CCSER1: variants seen among roughly 807,000 people sequenced by gnomAD.
The protein encoded by CCSER1 is serine-rich coiled-coil domain-containing protein 1.
A neutral mutation model predicts 82.0 loss-of-function variants in CCSER1; 41 were observed. That is an observed-to-expected ratio of 0.50 (90% confidence interval 0.39 to 0.65). The LOEUF is 0.65. Ranked by LOEUF, CCSER1 falls within the 30% of genes least tolerant of loss-of-function variation. The pLI is 0.00. For missense variants in CCSER1, 1,119 were observed against 1,064.2 expected (o/e 1.05, Z -0.72); for synonymous variants, 414 against 383.9 (o/e 1.08, Z -0.92).
At chr4:90,585,364 T>C (rs566597852) in intron 5 of CCSER1, among the ~76,000 whole-genome samples, 111 of 152,320 alleles carry the variant, frequency 7.3e-4, no homozygotes, top group African/African-American at 2.5e-3. Context: ...AAAACTCCCA[T>C]GATTCATTCC....
chr4:91,416,191 G>A (rs1023147368), intron 10 of CCSER1, among the ~76,000 whole-genome samples: 6 of 152,168 alleles, frequency 3.9e-5, no homozygotes, highest in Admixed American at 6.5e-5. Flanking sequence ...ACTCCTCAAG[G>A]AAATCAGAGA....
At chr4:90,229,267 ATC>A (rs1483391472) in intron 1 of CCSER1, among the ~76,000 whole-genome samples, 15 of 152,226 alleles carry the variant, frequency 9.9e-5, no homozygotes, top group Non-Finnish European at 1.8e-4. Flanking sequence ...CTGACAGCAG[ATC>A]TCTCAGCAGA....
chr4:90,232,534 A>G (rs1744813492), intron 1 of CCSER1, among the ~76,000 whole-genome samples: 1 of 151,114 alleles, frequency 6.6e-6, no homozygotes, highest in Non-Finnish European at 1.5e-5. Flanking sequence ...AAGAAAACCT[A>G]GGCAGTACCA....
intron 6 of CCSER1, among the ~76,000 whole-genome samples, chr4:90,658,412 C>T (rs191113038): frequency 1.3e-5 from 2 of 152,142 alleles, no homozygotes; most frequent in Non-Finnish European, 2.9e-5. Context: ...GGAAAGAAAA[C>T]CAGGAGTTTC....
chr4:90,666,742 G>A (rs1731851399), intron 6 of CCSER1, among the ~76,000 whole-genome samples: 2 of 152,114 alleles, frequency 1.3e-5, no homozygotes, highest in African/African-American at 4.8e-5. Flanking sequence ...ATTGAACTGA[G>A]TAGTCATTCA....
intron 10 of CCSER1, among the ~76,000 whole-genome samples, chr4:91,463,294 G>T (rs1289995944): frequency 6.6e-6 from 1 of 152,190 alleles, no homozygotes; most frequent in Non-Finnish European, 1.5e-5. Context: ...GCAGCTGAGG[G>T]TGCTGACTGT....
At chr4:91,206,673 A>G (rs1347192695) in intron 10 of CCSER1, among the ~76,000 whole-genome samples, 1 of 151,854 alleles carries the variant, frequency 6.6e-6, no homozygotes, top group Non-Finnish European at 1.5e-5. Context: ...CTCCTGTTTC[A>G]GGAAGCCACC....
At chr4:90,270,706 C>G (rs1726097372) in intron 1 of CCSER1, among the ~76,000 whole-genome samples, 1 of 151,818 alleles carries the variant, frequency 6.6e-6, no homozygotes, top group Non-Finnish European at 1.5e-5. Flanking sequence ...TCATACTATC[C>G]CTGTTTGCAG....
intron 10 of CCSER1, among the ~76,000 whole-genome samples, chr4:91,454,785 C>A (rs1756061380): frequency 1.3e-5 from 2 of 151,664 alleles, no homozygotes; most frequent in Non-Finnish European, 2.9e-5. Context: ...TTAAGGTGTT[C>A]TGTCTGGTGT....
At chr4:91,161,873 A>G (rs1045352066) in intron 10 of CCSER1, among the ~76,000 whole-genome samples, 1 of 152,148 alleles carries the variant, frequency 6.6e-6, no homozygotes, top group Admixed American at 6.5e-5. Flanking sequence ...CAATCATGTC[A>G]TCTGCAAACA....
intron 8 of CCSER1, among the ~76,000 whole-genome samples, chr4:90,889,311 A>G (rs1481421018): frequency 1.3e-5 from 2 of 152,164 alleles, no homozygotes; most frequent in Non-Finnish European, 1.5e-5. Context: ...TAAGAAATTT[A>G]TGTAATGGTA....
intron 10 of CCSER1, among the ~76,000 whole-genome samples, chr4:91,440,061 C>G (rs1755005856): frequency 6.6e-6 from 1 of 151,970 alleles, no homozygotes; most frequent in Admixed American, 6.6e-5. Context: ...ATCAACGAGA[C>G]AGAAAGTTAA....
intron 10 of CCSER1, among the ~76,000 whole-genome samples, chr4:91,428,779 A>G (rs1754130544): frequency 6.6e-6 from 1 of 152,004 alleles, no homozygotes; most frequent in Non-Finnish European, 1.5e-5. Flanking sequence ...TCTCCTTTTG[A>G]TACATTATTG....
At chr4:90,619,685 A>C (rs1156361892) in intron 5 of CCSER1, among the ~76,000 whole-genome samples, 3 of 152,088 alleles carry the variant, frequency 2.0e-5, no homozygotes, top group African/African-American at 7.2e-5. Flanking sequence ...ACAGGCATAC[A>C]ATACCTCCAA....
chr4:90,358,535 G>A (rs1290431380), intron 3 of CCSER1, among the ~76,000 whole-genome samples: 1 of 152,072 alleles, frequency 6.6e-6, no homozygotes, highest in East Asian at 1.9e-4. Flanking sequence ...ATGATAATTT[G>A]TGGACTTATA....
At chr4:90,502,635 TAC>T (rs948635477) in intron 5 of CCSER1, among the ~76,000 whole-genome samples, 4 of 151,994 alleles carry the variant, frequency 2.6e-5, no homozygotes, top group African/African-American at 9.7e-5. Flanking sequence ...AGAAATAAAT[TAC>T]TTCACTGGGA....
chr4:90,654,728 T>G (rs747410148), intron 6 of CCSER1, among the ~76,000 whole-genome samples: 1 of 152,062 alleles, frequency 6.6e-6, no homozygotes, highest in Non-Finnish European at 1.5e-5. Context: ...TCTCTGTAAG[T>G]GAAAGAATAA....
chr4:90,312,848 T>C lies in CCSER1; in HGVS notation c.1325-15T>C. The C allele has an allele frequency of 6.6e-7, 1 of 1,506,812 alleles. No homozygotes were observed. The highest frequency in any genetic ancestry group is 9.0e-7 in the Non-Finnish European group (1 of 1,116,164). 93.3% of individuals were successfully genotyped at this position (1,506,812 alleles called of 1,614,324 possible). On this transcript the variant is annotated splice_polypyrimidine_tract_variant and intron_variant, in intron 2 of 10. Transcript: ENST00000509176. ...AAATATTTACCTTCATTTTTATTTATTTTCCTTTCCATAGTTCTTGCCAGT... is the reference window on the plus strand; with the variant it reads ...AAATATTTACCTTCATTTTTATTTACTTTCCTTTCCATAGTTCTTGCCAGT...
At chr4:90,508,430 A>G (rs912668562) in intron 5 of CCSER1, among the ~76,000 whole-genome samples, 1 of 151,902 alleles carries the variant, frequency 6.6e-6, no homozygotes, top group African/African-American at 2.4e-5. Context: ...CAAACTTGTT[A>G]TCTTGCTCAC....
Sources: gnomAD v4.1 joint callset for allele counts (sites outside exome capture counted in the v4.1 genomes callset) on GRCh38, gnomAD v4.1.1 for gene constraint, MANE v1.5 for transcripts, NCBI Gene and HGNC (gene_info 2026-07-23, HGNC 2026-07-21) for gene names.